Variants in CSMD1 observed in about 807,000 individuals in gnomAD.
CSMD1 encodes CUB and sushi domain-containing protein 1.
CSMD1 carries 213 observed loss-of-function variants against 417.5 expected under a neutral mutation model. The ratio of observed to expected loss-of-function variants is 0.51; its 90% CI spans 0.46 to 0.57. The LOEUF (loss-of-function observed/expected upper bound fraction) is 0.57. Among genes scored for constraint, CSMD1 ranks in the 20% least tolerant of loss-of-function variants. The pLI is 0.00. For synonymous variants in CSMD1, 2,862 were observed against 1,736.8 expected (o/e 1.65, Z -16.11); for missense variants, 6,923 against 4,529.7 (o/e 1.53, Z -15.17).
intron 3 of CSMD1, among the ~76,000 whole-genome samples, chr8:4,141,630 C>G (rs532582706): frequency 6.8e-6 from 1 of 146,184 alleles, no homozygotes; most frequent in South Asian, 2.2e-4. Context: ...ATATTTTCAC[C>G]CTAATTCACA....
intron 37 of CSMD1, among the ~76,000 whole-genome samples, chr8:3,172,150 G>A (rs74979218): frequency 0.041 from 6,291 of 152,170 alleles, 388 homozygotes; most frequent in African/African-American, 0.12. Context: ...GGGCTACAAC[G>A]TACTGCGCAC....
chr8:4,911,397 G>T (rs763641152), intron 1 of CSMD1, among the ~76,000 whole-genome samples: 6 of 152,180 alleles, frequency 3.9e-5, no homozygotes, highest in Non-Finnish European at 7.3e-5. Flanking sequence ...CTCTAGATTT[G>T]TTAGGTAATT....
chr8:3,263,688 A>G (rs1250009088), intron 26 of CSMD1, among the ~76,000 whole-genome samples: 1 of 152,218 alleles, frequency 6.6e-6, no homozygotes, highest in African/African-American at 2.4e-5. Flanking sequence ...GGATAAGTGA[A>G]TACTGTTCAC....
Position 3,955,733 on chromosome 8 carries a change from AG to A in CSMD1, c.818+42169del, listed in dbSNP as rs1585029300. On this transcript the variant is annotated intron_variant, in intron 5 of 69. Coordinates refer to ENST00000635120, the MANE Select transcript of CSMD1 (RefSeq NM_033225.6). Reference sequence around the variant, plus strand: ...CAAAGATTCTTCGAGAACTGCCTCAAGTAAGAAAAAAACAGGGTCAAATACA... The same window carrying A: ...CAAAGATTCTTCGAGAACTGCCTCAATAAGAAAAAAACAGGGTCAAATACA... Among the ~76,000 whole-genome samples the A allele has an allele frequency of 6.8e-5, 7 of 102,612 alleles. No individual in the cohort carries two copies. The East Asian group carries it at 2.5e-3, about 37-fold the overall frequency. The allele number at this position is 102,612 out of a possible 152,430, so 67.3% of individuals were successfully genotyped here. A position where few individuals can be genotyped will look rare whatever the true frequency, so the allele number is the denominator to read the frequency against.
At chr8:3,295,874 T>C (rs921592376) in intron 25 of CSMD1, among the ~76,000 whole-genome samples, 2 of 152,140 alleles carry the variant, frequency 1.3e-5, no homozygotes, top group African/African-American at 2.4e-5. Flanking sequence ...TTGATTTAGT[T>C]CAATAATTCA....
Position 3,798,254 on chromosome 8 carries a change from T to C in CSMD1, c.819-44212A>G, listed in dbSNP as rs537603949. On this transcript the variant is annotated intron_variant, in intron 5 of 69. Coordinates refer to ENST00000635120, the MANE Select transcript of CSMD1 (RefSeq NM_033225.6). ...GCTTTCCTTTTTATTTTCATAATGGTACTTTTTAATAATATCTTATTTATC... is the reference window on the plus strand; with the variant it reads ...GCTTTCCTTTTTATTTTCATAATGGCACTTTTTAATAATATCTTATTTATC... 7.2e-5 allele frequency among the ~76,000 whole-genome samples: 11 copies of C among 152,210 alleles called. No individual in the cohort carries two copies. In the South Asian group the frequency reaches 1.5e-3, roughly 20 times the overall value.
At chr8:4,824,080 A>G (rs1799673692) in intron 1 of CSMD1, among the ~76,000 whole-genome samples, 1 of 91,026 alleles carries the variant, frequency 1.1e-5, no homozygotes, top group Non-Finnish European at 2.4e-5. Flanking sequence ...ACAAATAAAT[A>G]TCCACACACA....
intron 3 of CSMD1, among the ~76,000 whole-genome samples, chr8:4,325,734 G>C (rs2128887263): frequency 6.6e-6 from 1 of 152,250 alleles, no homozygotes; most frequent in Non-Finnish European, 1.5e-5. Flanking sequence ...CCAACACTGA[G>C]AAGGCGTGAA....
intron 4 of CSMD1, among the ~76,000 whole-genome samples, chr8:4,003,589 T>G (rs540055960): frequency 2.6e-5 from 4 of 152,256 alleles, no homozygotes; most frequent in Admixed American, 2.6e-4. Context: ...GCATTCAAAT[T>G]AAAACAACAC....
chr8:4,456,215 C>G (rs1382900900), intron 2 of CSMD1, among the ~76,000 whole-genome samples: 5 of 151,658 alleles, frequency 3.3e-5, no homozygotes, highest in African/African-American at 7.3e-5. Flanking sequence ...AAAGCTTGGG[C>G]CAATTGGTTC....
chr8:3,555,999 C>A (rs910453800), intron 10 of CSMD1, among the ~76,000 whole-genome samples: 1 of 152,106 alleles, frequency 6.6e-6, no homozygotes, highest in Non-Finnish European at 1.5e-5. Flanking sequence ...TGATTTCAAT[C>A]CCATTCAAGG....
rs145798056 is a variant in CSMD1, at chr8:3,659,780, C to T, written c.1010-42983G>A. ...AAATACTGGTAAAGATCTTGAATTC[C>T]CAATACGCAATAGAACTGGGAAGTA... On this transcript the variant is annotated intron_variant, in intron 7 of 69. Coordinates refer to ENST00000635120, the MANE Select transcript of CSMD1 (RefSeq NM_033225.6). 2.8e-3 allele frequency among the ~76,000 whole-genome samples: 427 copies of T among 152,208 alleles called. 3 individuals carry two copies. The highest frequency in any genetic ancestry group is 9.6e-3 in the African/African-American group (399 of 41,534).
In CSMD1 at chr8:3,447,473, C is replaced by T. The variant is rs78418464; in HGVS notation, c.1561+21239G>A. Among the ~76,000 whole-genome samples, 997 of 152,122 alleles carry T rather than the reference C, an allele frequency of 6.6e-3. 8 individuals carry two copies. The highest frequency in any genetic ancestry group is 0.023 in the African/African-American group (948 of 41,486). On this transcript the variant is annotated intron_variant, in intron 12 of 69. Coordinates refer to ENST00000635120, the MANE Select transcript of CSMD1 (RefSeq NM_033225.6). ...AAATGAAAAGTATTTAGGGTAAGAG[C>T]GATGCATATTGCAGAGGAATGGGAA...
At position 3,223,761 on chromosome 8, in the gene CSMD1, G is replaced by A; in HGVS notation, c.4452C>T (p.Asn1484=). 1 of 1,613,872 alleles carries A rather than the reference G, an allele frequency of 6.2e-7. No homozygotes were observed. Among genetic ancestry groups the A allele is most frequent in the African/African-American group, 1.3e-5 (1 of 75,036 alleles). The change falls in exon 28 of 70, where the codon AAC becomes AAT. Residue 1484 remains asparagine, a synonymous_variant. Transcript: ENST00000635120. Reference sequence around the variant, plus strand: ...ATATCAAGGCGATGACAAAGTCCGGGTTCACTTTTACTCTCCAGTCACATT... The same window carrying A: ...ATATCAAGGCGATGACAAAGTCCGGATTCACTTTTACTCTCCAGTCACATT... ...GKECDWRVKV[N]PDFVIALIFK... is the part of the protein sequence containing the mutation.
At chr8:3,886,999 A>C (rs967145665) in intron 5 of CSMD1, among the ~76,000 whole-genome samples, 4 of 152,164 alleles carry the variant, frequency 2.6e-5, no homozygotes, top group Non-Finnish European at 5.9e-5. Context: ...AGCATTGATC[A>C]CCTGGTACCA....
chr8:3,419,228 A>G (rs1813337462), intron 12 of CSMD1, among the ~76,000 whole-genome samples: 1 of 152,208 alleles, frequency 6.6e-6, no homozygotes, highest in African/African-American at 2.4e-5. Flanking sequence ...TCCTCACAGA[A>G]GGATACTATC....
At chr8:3,549,325 C>A (rs755945598) in intron 10 of CSMD1, among the ~76,000 whole-genome samples, 17 of 152,234 alleles carry the variant, frequency 1.1e-4, no homozygotes, top group Non-Finnish European at 2.1e-4. Context: ...CCTTTACAGG[C>A]AAGCTCACCA....
intron 1 of CSMD1, among the ~76,000 whole-genome samples, chr8:4,764,473 AAGT>A: frequency 6.6e-6 from 1 of 152,208 alleles, no homozygotes; most frequent in Non-Finnish European, 1.5e-5. Flanking sequence ...GTATTCTTAA[AAGT>A]ATTAAGTCGA....
chr8:3,389,035 C>T (rs149291995), intron 17 of CSMD1, among the ~76,000 whole-genome samples: 1 of 152,154 alleles, frequency 6.6e-6, no homozygotes, highest in African/African-American at 2.4e-5. Flanking sequence ...GTACCCAATG[C>T]TGGGTGAATG....
Sources: gnomAD v4.1 joint callset for allele counts (sites outside exome capture counted in the v4.1 genomes callset) on GRCh38, gnomAD v4.1.1 for gene constraint, MANE v1.5 for transcripts, NCBI Gene and HGNC (gene_info 2026-07-23, HGNC 2026-07-21) for gene names.